Variants in RHBDL3 observed in about 807,000 individuals in gnomAD.
The protein encoded by RHBDL3 is rhomboid like 3, also known as rhomboid-related protein 3.
RHBDL3 carries 28 observed loss-of-function variants against 48.2 expected under a neutral mutation model. That is an observed-to-expected ratio of 0.58 (90% CI 0.43 to 0.80). The LOEUF (loss-of-function observed/expected upper bound fraction) is 0.80. Ranked by LOEUF, RHBDL3 falls within the 30% of genes least tolerant of loss-of-function variation. The pLI, the probability that RHBDL3 is intolerant of heterozygous loss-of-function variation, is 0.00. For missense variants in RHBDL3, 464 were observed against 542.7 expected (o/e 0.85, Z 1.44); for synonymous variants, 208 against 232.3 (o/e 0.90, Z 0.95).
In RHBDL3 at chr17:32,293,644, T is replaced by C. The variant is rs539531773; in HGVS notation, c.520-650T>C. Among the ~76,000 whole-genome samples the C allele has an allele frequency of 8.7e-4, 132 of 152,132 alleles. 2 individuals carry two copies. The Middle Eastern group carries it at 0.01, about 12-fold the overall frequency. ...TTTTATGTTTATTTCACTATAGTTATTTAAGAAATCAAGCTATGTGGAATT... is the reference window on the plus strand; with the variant it reads ...TTTTATGTTTATTTCACTATAGTTACTTAAGAAATCAAGCTATGTGGAATT... On this transcript the variant is annotated intron_variant, in intron 4 of 8. Coordinates refer to ENST00000269051, the MANE Select transcript of RHBDL3 (RefSeq NM_138328.3).
At chr17:32,274,224 C>T (rs1256612355) in intron 2 of RHBDL3, among the ~76,000 whole-genome samples, 1 of 152,168 alleles carries the variant, frequency 6.6e-6, no homozygotes, top group Non-Finnish European at 1.5e-5. Context: ...AAGGGTGAGA[C>T]GAGGCGTCTG....
chr17:32,296,110 C>G (rs867197433), intron 5 of RHBDL3, among the ~76,000 whole-genome samples: 20 of 151,698 alleles, frequency 1.3e-4, no homozygotes, highest in South Asian at 2.1e-4. Context: ...CGCCTGTAGT[C>G]CCACCTACTC....
intron 6 of RHBDL3, among the ~76,000 whole-genome samples, chr17:32,303,639 GTTTT>G (rs376106057): frequency 4.6e-5 from 7 of 152,004 alleles, no homozygotes; most frequent in Admixed American, 3.9e-4. Flanking sequence ...TTCATGACAG[GTTTT>G]TTTTGTTTTT....
At chr17:32,290,546 G>A (rs1276767646) in intron 4 of RHBDL3, among the ~76,000 whole-genome samples, 2 of 152,144 alleles carry the variant, frequency 1.3e-5, no homozygotes, top group African/African-American at 2.4e-5. Context: ...TACAGTTCTG[G>A]TAACCTGGCT....
chr17:32,283,025 C>T (rs16967240), intron 2 of RHBDL3, among the ~76,000 whole-genome samples: 46,832 of 152,050 alleles, frequency 0.31, 7,868 homozygotes, highest in African/African-American at 0.45. Context: ...AAATAGCCTT[C>T]ATTGACCATC....
Position 32,289,022 on chromosome 17 carries a change from G to A in RHBDL3, c.519+6G>A, listed in dbSNP as rs371750736. ...TCACAGTCACGCTGCTGGAGGCAAG[G>A]ACAAGGGTGGGGAGGGGGTTGCTCT... On this transcript the variant is annotated splice_donor_region_variant and intron_variant, in intron 4 of 8. Coordinates refer to ENST00000269051, the MANE Select transcript of RHBDL3 (RefSeq NM_138328.3). The A allele has an allele frequency of 6.8e-6, 11 of 1,613,164 alleles. No homozygotes were observed. In the East Asian group the frequency reaches 1.8e-4, roughly 26 times the overall value.
At chr17:32,314,681 A>G (rs1389884260) in intron 7 of RHBDL3, among the ~76,000 whole-genome samples, 1 of 152,172 alleles carries the variant, frequency 6.6e-6, no homozygotes, top group African/African-American at 2.4e-5. Context: ...CTTTGGGAAG[A>G]GATGTCCCAT....
At position 32,324,401 on chromosome 17, in the gene RHBDL3, T is replaced by G. The variant is rs1317839002; in HGVS notation, c.*3172T>G. Reference sequence around the variant, plus strand: ...TAATTTGCAAATACGTAATGCAGATTCCCTGGGTGCCGTGAAAGCCTTTCC... The same window carrying G: ...TAATTTGCAAATACGTAATGCAGATGCCCTGGGTGCCGTGAAAGCCTTTCC... On this transcript the variant is annotated 3_prime_UTR_variant, in exon 9 of 9. Coordinates refer to ENST00000269051, the MANE Select transcript of RHBDL3 (RefSeq NM_138328.3). The G allele has an allele frequency of 6.6e-6, 1 of 152,548 alleles. No individual in the cohort carries two copies. The highest frequency in any genetic ancestry group is 2.4e-5 in the African/African-American group (1 of 41,402). The allele number at this position is 152,548 out of a possible 1,614,324, so 9.4% of individuals were successfully genotyped here. A position where few individuals can be genotyped will look rare whatever the true frequency, so the allele number is the denominator to read the frequency against.
chr17:32,294,959 C>CT, intron 5 of RHBDL3, among the ~76,000 whole-genome samples: 1 of 152,182 alleles, frequency 6.6e-6, no homozygotes, highest in Non-Finnish European at 1.5e-5. Context: ...CTCACTGGTG[C>CT]CTCCCACTTC....
At chr17:32,275,924 C>T (rs945396199) in intron 2 of RHBDL3, among the ~76,000 whole-genome samples, 1 of 152,164 alleles carries the variant, frequency 6.6e-6, no homozygotes, top group African/African-American at 2.4e-5. Context: ...GCCCCTCATG[C>T]CTCCATCTGG....
intron 3 of RHBDL3, among the ~76,000 whole-genome samples, chr17:32,285,736 CCT>C (rs529403647): frequency 2.3e-4 from 35 of 152,174 alleles, no homozygotes; most frequent in Non-Finnish European, 4.7e-4. Flanking sequence ...GAGCTGGTCA[CCT>C]CTCTTCATGT....
chr17:32,314,843 G>C (rs2040932767), intron 7 of RHBDL3, among the ~76,000 whole-genome samples: 1 of 152,194 alleles, frequency 6.6e-6, no homozygotes, highest in Admixed American at 6.5e-5. Flanking sequence ...TCCTGGCAAG[G>C]CTCCTCTGTG....
intron 6 of RHBDL3, among the ~76,000 whole-genome samples, chr17:32,300,363 C>T (rs2040553549): frequency 6.6e-6 from 1 of 152,044 alleles, no homozygotes; most frequent in South Asian, 2.1e-4. Context: ...AGCTGAGCAA[C>T]ATAGGGAGAC....
chr17:32,276,612 C>T (rs2039904809), intron 2 of RHBDL3, among the ~76,000 whole-genome samples: 1 of 152,128 alleles, frequency 6.6e-6, no homozygotes, highest in Non-Finnish European at 1.5e-5. Context: ...CTTCACCAGA[C>T]AGCTGCCTGC....
intron 6 of RHBDL3, among the ~76,000 whole-genome samples, chr17:32,301,143 G>C (rs1309193671): frequency 1.3e-5 from 2 of 152,036 alleles, no homozygotes; most frequent in Admixed American, 1.3e-4. Context: ...GCCTCCCAAA[G>C]TGCTGGGATT....
intron 2 of RHBDL3, among the ~76,000 whole-genome samples, chr17:32,269,511 G>C (rs1349222287): frequency 6.6e-6 from 1 of 152,254 alleles, no homozygotes; most frequent in African/African-American, 2.4e-5. Context: ...AGGATTTGGG[G>C]TGATCATCCA....
intron 5 of RHBDL3, among the ~76,000 whole-genome samples, chr17:32,295,062 A>G (rs1234785868): frequency 6.6e-6 from 1 of 152,140 alleles, no homozygotes; most frequent in East Asian, 1.9e-4. Flanking sequence ...AAGCACTTTG[A>G]TGGGAGAGGA....
intron 2 of RHBDL3, chr17:32,280,449 C>G (rs868260368): frequency 6.6e-6 from 1 of 152,210 alleles, no homozygotes; most frequent in South Asian, 2.1e-4. Flanking sequence ...CAGTTTGGAT[C>G]TGCCTAATGA....
intron 1 of RHBDL3, among the ~76,000 whole-genome samples, chr17:32,266,702 G>C (rs2039640897): frequency 6.6e-6 from 1 of 152,214 alleles, no homozygotes. Flanking sequence ...ACGCCGCAGA[G>C]TCCCCGTCCC....
Sources: allele counts gnomAD v4.1 joint callset (sites outside exome capture counted in the v4.1 genomes callset), GRCh38; gene constraint gnomAD v4.1.1; transcripts MANE v1.5; gene names NCBI Gene and HGNC (gene_info 2026-07-23, HGNC 2026-07-21).